ABTB3: variants seen among roughly 807,000 people sequenced by gnomAD.
ABTB3 encodes the protein ankyrin repeat- and BTB/POZ domain-containing protein 3.
chr12:107,654,815 TACACACAC>T, the ABTB3 span, among the ~76,000 whole-genome samples: 1,162 of 141,274 alleles, frequency 8.2e-3, 9 homozygotes, highest in African/African-American at 0.023. Context: ...CTACATTGTA[TACACACAC>T]ACACACACAC....
the ABTB3 span, among the ~76,000 whole-genome samples, chr12:107,586,319 C>G: frequency 2.0e-5 from 3 of 152,166 alleles, no homozygotes; most frequent in Admixed American, 6.5e-5. Context: ...CCCCATCTTT[C>G]CCTCCACAGG....
the ABTB3 span, among the ~76,000 whole-genome samples, chr12:107,456,375 C>T: frequency 2.0e-5 from 3 of 152,186 alleles, no homozygotes; most frequent in Non-Finnish European, 4.4e-5. Flanking sequence ...TCCCGTTGCT[C>T]GCATTACCGC....
chr12:107,557,466 G>A, the ABTB3 span, among the ~76,000 whole-genome samples: 11 of 152,128 alleles, frequency 7.2e-5, no homozygotes, highest in Admixed American at 4.6e-4. Flanking sequence ...ATAAATAAAC[G>A]CAGAACCTGC....
the ABTB3 span, among the ~76,000 whole-genome samples, chr12:107,605,471 G>A: frequency 6.6e-6 from 1 of 152,186 alleles, no homozygotes; most frequent in South Asian, 2.1e-4. Flanking sequence ...GGAACTGCAG[G>A]AGCTGAGTCC....
the ABTB3 span, among the ~76,000 whole-genome samples, chr12:107,459,667 G>A: frequency 6.6e-6 from 1 of 152,210 alleles, no homozygotes; most frequent in Admixed American, 6.5e-5. Flanking sequence ...AGCCCAGCGG[G>A]GTGCAGGCAA....
the ABTB3 span, among the ~76,000 whole-genome samples, chr12:107,626,633 T>C: frequency 9.2e-5 from 14 of 152,200 alleles, no homozygotes; most frequent in South Asian, 2.1e-4. Context: ...ATTGTCATCT[T>C]CTTAAACCAT....
At chr12:107,578,383 C>CTTTTTT in the ABTB3 span, among the ~76,000 whole-genome samples, 283 of 57,110 alleles carry the variant, frequency 5.0e-3, 1 homozygote, top group Non-Finnish European at 5.2e-3. Flanking sequence ...CTTTCTTCTT[C>CTTTTTT]TTTTTTTTTT....
chr12:107,451,572 G>A, the ABTB3 span, among the ~76,000 whole-genome samples: 6 of 152,220 alleles, frequency 3.9e-5, no homozygotes, highest in East Asian at 5.8e-4. Flanking sequence ...CTGACCTCGC[G>A]GTAAAGTCTG....
At chr12:107,333,880 G>A in the ABTB3 span, among the ~76,000 whole-genome samples, 1 of 152,194 alleles carries the variant, frequency 6.6e-6, no homozygotes, top group Non-Finnish European at 1.5e-5. Flanking sequence ...AGTAGGGGAT[G>A]GTTGCAATGA....
chr12:107,497,466 TACC>T, the ABTB3 span, among the ~76,000 whole-genome samples: 131 of 148,684 alleles, frequency 8.8e-4, 1 homozygote, highest in Admixed American at 2.7e-3. Flanking sequence ...TCACAATTAT[TACC>T]ACCATCATCA....
At chr12:107,621,465 TTTTG>T in the ABTB3 span, among the ~76,000 whole-genome samples, 38 of 152,064 alleles carry the variant, frequency 2.5e-4, no homozygotes, top group Non-Finnish European at 3.7e-4. Flanking sequence ...CGTTTTGAGG[TTTTG>T]TTTGTTTGTT....
the ABTB3 span, among the ~76,000 whole-genome samples, chr12:107,428,126 C>G: frequency 6.6e-6 from 1 of 152,212 alleles, no homozygotes; most frequent in African/African-American, 2.4e-5. Flanking sequence ...GTCTGGCACA[C>G]AGCAGTCAGT....
At chr12:107,404,138 G>C in the ABTB3 span, among the ~76,000 whole-genome samples, 2 of 127,792 alleles carry the variant, frequency 1.6e-5, no homozygotes, top group Admixed American at 1.9e-4. Flanking sequence ...ATGCTAGCCT[G>C]GATAACAGAG....
the ABTB3 span, among the ~76,000 whole-genome samples, chr12:107,351,895 C>G: frequency 1.2e-4 from 19 of 152,270 alleles, no homozygotes; most frequent in Middle Eastern, 0.014. Context: ...TCATTTTCCT[C>G]AGTAAAATGA....
chr12:107,481,647 A>G, the ABTB3 span, among the ~76,000 whole-genome samples: 1 of 152,200 alleles, frequency 6.6e-6, no homozygotes, highest in African/African-American at 2.4e-5. Context: ...AGCAAGTGGA[A>G]GAAAATCCTA....
chr12:107,336,339 C>T, the ABTB3 span, among the ~76,000 whole-genome samples: 1 of 152,292 alleles, frequency 6.6e-6, no homozygotes, highest in African/African-American at 2.4e-5. Context: ...CCCACTCAAT[C>T]GTCTAATCTG....
the ABTB3 span, chr12:107,543,950 G>C: frequency 6.2e-7 from 1 of 1,613,452 alleles, no homozygotes. Context: ...CTGGTGTCCC[G>C]TGCAATGCAT....
chr12:107,630,994 CATGGATATACA>C, the ABTB3 span, among the ~76,000 whole-genome samples: 33 of 152,242 alleles, frequency 2.2e-4, no homozygotes, highest in African/African-American at 7.7e-4. Context: ...GGGTTTGTTA[CATGGATATACA>C]TGATGCTGAG....
the ABTB3 span, among the ~76,000 whole-genome samples, chr12:107,485,133 G>A: frequency 6.6e-6 from 1 of 152,074 alleles, no homozygotes; most frequent in East Asian, 1.9e-4. Context: ...GCATTTTAGG[G>A]GTAAATAATG....
Sources: gnomAD v4.1 joint callset for allele counts (sites outside exome capture counted in the v4.1 genomes callset) on GRCh38, gnomAD v4.1.1 for gene constraint, MANE v1.5 for transcripts, NCBI Gene and HGNC (gene_info 2026-07-23, HGNC 2026-07-21) for gene names.